The following PLPP7 variants were observed in gnomAD, a reference collection of about 807,000 sequenced individuals.
The protein encoded by PLPP7 is phospholipid phosphatase 7 (inactive), also known as inactive phospholipid phosphatase 7.
PLPP7 carries 11 observed loss-of-function variants against 16.9 expected under a neutral mutation model. The ratio of observed to expected loss-of-function variants is 0.65; its 90% CI spans 0.41 to 1.08. PLPP7 has a LOEUF of 1.08. Among genes scored for constraint, PLPP7 ranks in the 50% least tolerant of loss-of-function variants. The pLI is 0.00. For missense variants in PLPP7, 358 were observed against 397.1 expected (o/e 0.90, Z 0.84); for synonymous variants, 174 against 175.1 (o/e 0.99, Z 0.05).
At chr9:131,298,610 ACCCCAGCTGCC>A (rs1303149332) in intron 1 of PLPP7, among the ~76,000 whole-genome samples, 7 of 152,090 alleles carry the variant, frequency 4.6e-5, no homozygotes, top group Non-Finnish European at 8.8e-5. Context: ...ACACTAGGTC[ACCCCAGCTGCC>A]CCTCTTCCCG....
At chr9:131,291,531 C>A in intron 1 of PLPP7, 2 of 405,638 alleles carry the variant, frequency 4.9e-6, no homozygotes, top group Non-Finnish European at 6.7e-6. Context: ...ATGGCTGGGT[C>A]TGCCACCTTC....
chr9:131,308,202 T>C lies in PLPP7; in HGVS notation c.731T>C (p.Phe244Ser). The C allele has an allele frequency of 6.3e-7, 1 of 1,599,906 alleles. No individual in the cohort carries two copies. ...CACGTCACGGACGTCCTCTCCGGCT[T>C]TGTCATCGGCTACCTCCAGTTCCGT... ...RHHVTDVLSG[F>S]VIGYLQFRLV... The change falls in exon 2 of 2, where the codon TTT (phenylalanine) becomes TCT (serine). Residue 244 changes from phenylalanine (F) to serine (S), a missense_variant. Physicochemically the swap from Phe to Ser is radical, Grantham distance 155 (BLOSUM62 -2). Transcript: ENST00000372264.
chr9:131,304,722 T>C (rs1429646638), intron 1 of PLPP7, among the ~76,000 whole-genome samples: 1 of 152,202 alleles, frequency 6.6e-6, no homozygotes. Context: ...GTTTGGAGAC[T>C]GTGGCTCTGT....
chr9:131,294,161 AG>A (rs1835710842), intron 1 of PLPP7, among the ~76,000 whole-genome samples: 1 of 152,146 alleles, frequency 6.6e-6, no homozygotes, highest in African/African-American at 2.4e-5. Flanking sequence ...CAGAGCCAGA[AG>A]GGGTCTTAGC....
Position 131,290,027 on chromosome 9 carries a change from C to T in PLPP7, c.30C>T (p.Ala10=), listed in dbSNP as rs1835645862. The change falls in exon 1 of 2, where the codon GCC becomes GCT. Residue 10 remains alanine (A), a synonymous_variant. Coordinates refer to ENST00000372264, the MANE Select transcript of PLPP7 (RefSeq NM_032728.4). This position sits in a 1 kb window ranked among gnomAD's most constrained non-coding sequence, Gnocchi z 4.2. MPASQSRAR[A]RDRNNVLNRA... The stretch of plus-strand genomic sequence containing the variant: ...CAGCTTCCCAGAGCCGGGCCCGTGC[C>T]CGGGACCGCAACAACGTCCTCAACC... The T allele has an allele frequency of 2.8e-6, 4 of 1,439,096 alleles. No individual in the cohort carries two copies. The highest frequency in any genetic ancestry group is 3.6e-6 in the Non-Finnish European group (4 of 1,099,886). 89.1% of individuals were successfully genotyped at this position (1,439,096 alleles called of 1,614,324 possible).
intron 1 of PLPP7, among the ~76,000 whole-genome samples, chr9:131,301,000 G>A (rs1835792948): frequency 6.6e-6 from 1 of 151,924 alleles, no homozygotes; most frequent in Non-Finnish European, 1.5e-5. Flanking sequence ...ACAGAGTCCC[G>A]CTCTGTCACC....
chr9:131,293,088 T>A, intron 1 of PLPP7: 1 of 452,782 alleles, frequency 2.2e-6, no homozygotes, highest in Non-Finnish European at 2.9e-6. Context: ...AGGTAAATAT[T>A]AATATGCCCA....
At chr9:131,299,708 C>T (rs1057089042) in intron 1 of PLPP7, among the ~76,000 whole-genome samples, 4 of 152,190 alleles carry the variant, frequency 2.6e-5, no homozygotes, top group Non-Finnish European at 4.4e-5. Flanking sequence ...GATAGAGTAA[C>T]GCTCTGTGTC....
intron 1 of PLPP7, among the ~76,000 whole-genome samples, chr9:131,298,964 G>A (rs1378499934): frequency 6.6e-6 from 1 of 152,228 alleles, no homozygotes; most frequent in Non-Finnish European, 1.5e-5. Context: ...AGCGGAAAGT[G>A]GAGCTGGTTG....
chr9:131,299,709 G>T (rs891740634), intron 1 of PLPP7, among the ~76,000 whole-genome samples: 4 of 152,218 alleles, frequency 2.6e-5, no homozygotes, highest in Admixed American at 1.3e-4. Context: ...ATAGAGTAAC[G>T]CTCTGTGTCA....
intron 1 of PLPP7, among the ~76,000 whole-genome samples, chr9:131,301,788 G>A (rs575153922): frequency 6.6e-6 from 1 of 151,016 alleles, no homozygotes; most frequent in East Asian, 2.0e-4. Flanking sequence ...GTAGACCAAG[G>A]CGCTGAGAGG....
chr9:131,306,512 G>A (rs1201608265), intron 1 of PLPP7, among the ~76,000 whole-genome samples: 1 of 151,720 alleles, frequency 6.6e-6, no homozygotes, highest in Non-Finnish European at 1.5e-5. Context: ...ACTCCAGCCT[G>A]GGCAACAGAA....
chr9:131,292,069 C>T (rs752356414), intron 1 of PLPP7, among the ~76,000 whole-genome samples: 8 of 152,222 alleles, frequency 5.3e-5, no homozygotes, highest in Non-Finnish European at 1.0e-4. Context: ...CCAGCTGACA[C>T]ACAGGCCTCT....
At chr9:131,293,338 G>A (rs998785879) in intron 1 of PLPP7, among the ~76,000 whole-genome samples, 3 of 152,210 alleles carry the variant, frequency 2.0e-5, no homozygotes, top group African/African-American at 7.2e-5. Context: ...ATATCCAGGT[G>A]TTGAGGCCAT....
intron 1 of PLPP7, among the ~76,000 whole-genome samples, chr9:131,296,734 G>A (rs560117961): frequency 5.0e-4 from 76 of 152,228 alleles, no homozygotes; most frequent in Non-Finnish European, 8.4e-4. Context: ...TGTTTTGCCC[G>A]GTTTGGCCTC....
At chr9:131,299,452 G>A (rs567232) in intron 1 of PLPP7, among the ~76,000 whole-genome samples, 101,481 of 151,730 alleles carry the variant, frequency 0.67, 34,906 homozygotes, top group Middle Eastern at 0.78. Flanking sequence ...CAGATGATGC[G>A]CTCACAGTGT....
chr9:131,299,740 G>A (rs996329315), intron 1 of PLPP7, among the ~76,000 whole-genome samples: 33 of 152,198 alleles, frequency 2.2e-4, no homozygotes, highest in Non-Finnish European at 3.4e-4. Context: ...ACTGCCCACC[G>A]TCCCGTTTGG....
In PLPP7 at chr9:131,295,449, G is replaced by A. The variant is rs1311383125; in HGVS notation, c.451+5001G>A. 2.0e-5 allele frequency among the ~76,000 whole-genome samples: 3 copies of A among 152,146 alleles called. No homozygotes were observed. The highest frequency in any genetic ancestry group is 3.9e-4 in the East Asian group (2 of 5,182). On this transcript the variant is annotated intron_variant, in intron 1 of 1. Coordinates refer to ENST00000372264, the MANE Select transcript of PLPP7 (RefSeq NM_032728.4). The surrounding 1 kb of genome is among the most constrained non-coding windows in gnomAD (Gnocchi z 4.0). ...TCACAGGAGTGAGCCACCACGCCTGGCTATGAAAACTACATTTTTATGTCA... is the reference window on the plus strand; with the variant it reads ...TCACAGGAGTGAGCCACCACGCCTGACTATGAAAACTACATTTTTATGTCA...
In PLPP7 at chr9:131,295,273, C is replaced by T. The variant is rs1190017396; in HGVS notation, c.451+4825C>T. Among the ~76,000 whole-genome samples, 1 of 151,938 alleles carries T rather than the reference C, an allele frequency of 6.6e-6. No individual in the cohort carries two copies. The highest frequency in any genetic ancestry group is 2.4e-5 in the African/African-American group (1 of 41,370). ...GGTTCAAGTGATTCTCCTGCCTCAC[C>T]CTCCCGAGTAGCTGGGATTACAGGT... On this transcript the variant is annotated intron_variant, in intron 1 of 1. Coordinates refer to ENST00000372264, the MANE Select transcript of PLPP7 (RefSeq NM_032728.4). This position sits in a 1 kb window ranked among gnomAD's most constrained non-coding sequence, Gnocchi z 4.0.
Sources: allele counts gnomAD v4.1 joint callset (sites outside exome capture counted in the v4.1 genomes callset), GRCh38; gene constraint gnomAD v4.1.1; non-coding constraint Gnocchi (gnomAD v3.1); transcripts MANE v1.5; gene names NCBI Gene and HGNC (gene_info 2026-07-23, HGNC 2026-07-21).